The following JMJD1C variants were observed in gnomAD, a reference collection of about 807,000 sequenced individuals.
JMJD1C encodes the protein jumonji domain-containing protein 1C.
A neutral mutation model predicts 245.3 loss-of-function variants in JMJD1C; 31 were observed. The observed-to-expected ratio is 0.13, with a 90% CI of 0.09 to 0.17. JMJD1C has a LOEUF of 0.17. JMJD1C is among the 10% of genes least tolerant of loss of function. JMJD1C has a pLI of 1.00. For missense variants in JMJD1C, 2,691 were observed against 3,000.2 expected, an observed-to-expected ratio of 0.90 and a Z score of 2.41; for synonymous variants, 1,057 against 1,017.4, an observed-to-expected ratio of 1.04 and a Z score of -0.74.
intron 3 of JMJD1C, among the ~76,000 whole-genome samples, chr10:63,227,474 T>C (rs546080184): frequency 1.3e-5 from 2 of 152,338 alleles, no homozygotes; most frequent in Non-Finnish European, 2.9e-5. Context: ...AGTAGCACTT[T>C]CATTTTAGGA....
Position 63,380,453 on chromosome 10 carries a change from C to G in JMJD1C, c.198G>C (p.Trp66Cys). Residue 66 changes from tryptophan (W) to cysteine (C), a missense_variant, in exon 2 of 26, where the codon TGG (tryptophan) becomes TGC (cysteine). By Grantham distance (215) the Trp-to-Cys change is radical. Around this residue, in one of 9 missense-constraint regions of JMJD1C, gnomAD observed 135 missense variants for 115.5 expected, o/e 1.17. Transcript: ENST00000399262. The part of the protein sequence containing the change: ...AVYVEFDDLE[W>C]DKREWVKVYE... ...AAACTTTAACCCACTCTCGTTTATC[C>G]CATTCAAGATCATCAAATTCCACAT... 1 of 1,613,136 alleles carries G rather than the reference C, an allele frequency of 6.2e-7. No homozygotes were observed. The highest frequency in any genetic ancestry group is 8.5e-7 in the Non-Finnish European group (1 of 1,179,676).
At position 63,260,886 on chromosome 10, in the gene JMJD1C, T is replaced by C. The variant is rs142047177; in HGVS notation, c.447+3765A>G. 2.9e-4 allele frequency among the ~76,000 whole-genome samples: 44 copies of C among 152,202 alleles called. No individual in the cohort carries two copies. In the East Asian group the frequency reaches 7.7e-3, roughly 27 times the overall value. ...GATTACAGGCATGAGCCACCGTGCC[T>C]GGCGTAACAAAAAACTATTAAAAGT... is the stretch of plus-strand genomic sequence containing the variant. On this transcript the variant is annotated intron_variant, in intron 3 of 25. Transcript: ENST00000399262.
At chr10:63,305,459 C>CCTCTCTCTCTCTCTCTCT (rs371564275) in intron 2 of JMJD1C, among the ~76,000 whole-genome samples, 33 of 113,076 alleles carry the variant, frequency 2.9e-4, no homozygotes, top group African/African-American at 1.0e-3. Flanking sequence ...ACGCTCTGAC[C>CCTCTCTCTCTCTCTCTCT]CTCTCTCTCT....
intron 1 of JMJD1C, among the ~76,000 whole-genome samples, chr10:63,412,685 A>G (rs1388812928): frequency 2.0e-5 from 3 of 152,200 alleles, no homozygotes; most frequent in Non-Finnish European, 4.4e-5. Flanking sequence ...CTGTGTGGGT[A>G]AAGTTCTGAT....
At chr10:63,259,693 T>C (rs1854451365) in intron 3 of JMJD1C, among the ~76,000 whole-genome samples, 1 of 152,238 alleles carries the variant, frequency 6.6e-6, no homozygotes, top group African/African-American at 2.4e-5. Flanking sequence ...TGTGTGAGTC[T>C]TCTCTGGTTA....
chr10:63,222,705 C>A, intron 3 of JMJD1C: 1 of 1,536,712 alleles, frequency 6.5e-7, no homozygotes. Context: ...GAAGCAGCAG[C>A]TGCTTTGATT....
intron 18 of JMJD1C, among the ~76,000 whole-genome samples, chr10:63,187,675 G>A (rs908807987): frequency 1.1e-4 from 17 of 152,218 alleles, no homozygotes; most frequent in Admixed American, 3.9e-4. Flanking sequence ...GGGCTGAAGC[G>A]ATCAATCGTC....
At chr10:63,284,650 G>A (rs928134936) in intron 2 of JMJD1C, among the ~76,000 whole-genome samples, 4 of 152,010 alleles carry the variant, frequency 2.6e-5, no homozygotes, top group Non-Finnish European at 4.4e-5. Context: ...ATTAAACTTC[G>A]AAATAAGGAC....
chr10:63,305,629 CGTGTGTGTGTGTGTGTGTGT>C (rs36038855), intron 2 of JMJD1C, among the ~76,000 whole-genome samples: 1,527 of 121,768 alleles, frequency 0.013, 18 homozygotes, highest in Admixed American at 0.018. Flanking sequence ...ACCATGCTGG[CGTGTGTGTGTGTGTGTGTGT>C]GTGTGTGTGT....
intron 1 of JMJD1C, among the ~76,000 whole-genome samples, chr10:63,451,342 A>G (rs1173994815): frequency 6.6e-6 from 1 of 152,170 alleles, no homozygotes; most frequent in East Asian, 1.9e-4. Context: ...AAAAGAACAG[A>G]GTTGAATAAC....
At chr10:63,294,014 C>T (rs1859089851) in intron 2 of JMJD1C, among the ~76,000 whole-genome samples, 1 of 152,118 alleles carries the variant, frequency 6.6e-6, no homozygotes, top group African/African-American at 2.4e-5. Context: ...TAATCTAACT[C>T]TTCCAACTGA....
rs149054070 is a variant in JMJD1C, at chr10:63,400,275, G to A, written c.169-19793C>T. On this transcript the variant is annotated intron_variant, in intron 1 of 25. Transcript: ENST00000399262. ...TTCTATCTTTAAGGCATACTCCTAA[G>A]GTAGGATTTCCTAGATCAAAGATGA... Among the ~76,000 whole-genome samples the A allele has an allele frequency of 3.2e-3, 489 of 152,148 alleles. 1 individual carries two copies. Among genetic ancestry groups the A allele is most frequent in the African/African-American group, 0.011 (474 of 41,486 alleles).
chr10:63,366,030 G>A (rs1433593938), intron 2 of JMJD1C, among the ~76,000 whole-genome samples: 1 of 152,306 alleles, frequency 6.6e-6, no homozygotes, highest in East Asian at 1.9e-4. Flanking sequence ...GCAGGAAAAT[G>A]CTACCAAAGG....
chr10:63,395,077 G>A (rs910064118), intron 1 of JMJD1C, among the ~76,000 whole-genome samples: 1 of 152,032 alleles, frequency 6.6e-6, no homozygotes, highest in Non-Finnish European at 1.5e-5. Context: ...CACTAAAGAA[G>A]ACATACAGGC....
intron 2 of JMJD1C, among the ~76,000 whole-genome samples, chr10:63,348,045 C>T (rs1944006488): frequency 6.6e-6 from 1 of 151,836 alleles, no homozygotes; most frequent in Non-Finnish European, 1.5e-5. Flanking sequence ...AAATCCACCT[C>T]CACTTACTAA....
chr10:63,192,872 T>A (rs966857353), intron 16 of JMJD1C, 66 bp downstream of exon 16: 2 of 1,180,310 alleles, frequency 1.7e-6, no homozygotes, highest in Non-Finnish European at 2.5e-6. Flanking sequence ...TATTGTACAA[T>A]AGTACATTGT....
chr10:63,386,967 C>T (rs1006908816), intron 1 of JMJD1C, among the ~76,000 whole-genome samples: 3 of 152,146 alleles, frequency 2.0e-5, no homozygotes, highest in Admixed American at 2.0e-4. Flanking sequence ...CAAAGTGGCC[C>T]ATGTGGCAAC....
At chr10:63,344,497 C>T (rs1009845316) in intron 2 of JMJD1C, among the ~76,000 whole-genome samples, 6 of 151,886 alleles carry the variant, frequency 4.0e-5, no homozygotes, top group African/African-American at 1.2e-4. Context: ...CATGGCTATT[C>T]GTAAAAGAGA....
chr10:63,230,253 T>A (rs1236944698), intron 3 of JMJD1C, among the ~76,000 whole-genome samples: 1 of 152,024 alleles, frequency 6.6e-6, no homozygotes, highest in Non-Finnish European at 1.5e-5. Flanking sequence ...TTGCCTGTAA[T>A]CCCAGCTACT....
Sources: gnomAD v4.1 joint callset for allele counts (sites outside exome capture counted in the v4.1 genomes callset) on GRCh38, gnomAD v4.1.1 for gene constraint, gnomAD v4.1.1 regional missense constraint, MANE v1.5 for transcripts, NCBI Gene and HGNC (gene_info 2026-07-23, HGNC 2026-07-21) for gene names.